MYOCD: variants seen among roughly 807,000 people sequenced by gnomAD.
MYOCD encodes the protein myocardin.
Under a neutral mutation model 96.1 loss-of-function variants are expected in MYOCD, and 32 were observed. That is an observed-to-expected ratio of 0.33 (90% CI 0.25 to 0.45). MYOCD has a LOEUF of 0.45. Ranked by LOEUF, MYOCD falls within the 20% of genes least tolerant of loss-of-function variation. The pLI is 1.00. For synonymous variants in MYOCD, 469 were observed against 469.0 expected (o/e 1.00, Z 0.00); for missense variants, 1,133 against 1,200.6 (o/e 0.94, Z 0.83).
At position 12,763,614 on chromosome 17, in the gene MYOCD, T is replaced by C; in HGVS notation, c.2931T>C (p.Ser977=). The change falls in exon 14 of 14, where the codon TCT becomes TCC. Residue 977 remains serine, a synonymous_variant. Coordinates refer to ENST00000425538, the MANE Select transcript of MYOCD (RefSeq NM_001146312.3). ...ATGTCACTGATCTCAATTTGAATTCTTCCATGGACCTTCACTTGCAGCAGT... is the reference window on the plus strand; with the variant it reads ...ATGTCACTGATCTCAATTTGAATTCCTCCATGGACCTTCACTTGCAGCAGT... ...FLDVTDLNLN[S]SMDLHLQQW 1 of 1,613,434 alleles carries C rather than the reference T, an allele frequency of 6.2e-7. No homozygotes were observed. Among genetic ancestry groups the C allele is most frequent in the Non-Finnish European group, 8.5e-7 (1 of 1,179,628 alleles).
In MYOCD at chr17:12,768,265, T is replaced by C. The variant is rs1567608560; in HGVS notation, c.*4621T>C. On this transcript the variant is annotated 3_prime_UTR_variant, in exon 14 of 14. Coordinates refer to ENST00000425538, the MANE Select transcript of MYOCD (RefSeq NM_001146312.3). The stretch of plus-strand genomic sequence containing the variant: ...GGTTTGATTCTAGAGTCCAGGTTTA[T>C]AGAGAAACCCTGGCTAGATTGAGCC... 1 of 152,114 alleles carries C rather than the reference T, an allele frequency of 6.6e-6. No individual in the cohort carries two copies. The highest frequency in any genetic ancestry group is 2.1e-4 in the South Asian group (1 of 4,816). The allele number at this position is 152,114 out of a possible 1,614,324, so 9.4% of individuals were successfully genotyped here.
chr17:12,667,636 G>A (rs1247102183), intron 1 of MYOCD, among the ~76,000 whole-genome samples: 1 of 152,208 alleles, frequency 6.6e-6, no homozygotes, highest in East Asian at 1.9e-4. Flanking sequence ...TTTAAATGTG[G>A]AGGGTCTGGG....
In MYOCD at chr17:12,736,312, G is replaced by T; in HGVS notation, c.567G>T (p.Ser189=). The change falls in exon 6 of 14, where the codon TCG becomes TCT. Residue 189 remains serine, a synonymous_variant. Coordinates refer to ENST00000425538, the MANE Select transcript of MYOCD (RefSeq NM_001146312.3). ...PPDAKASDTP[S]TGSLGTNQDL... is the part of the protein sequence containing the mutation. Reference sequence around the variant, plus strand: ...ACGCTAAAGCCTCAGATACCCCTTCGACAGGTTCTCTGGGGACAAACCAGG... The same window carrying T: ...ACGCTAAAGCCTCAGATACCCCTTCTACAGGTTCTCTGGGGACAAACCAGG... 6.2e-7 allele frequency: 1 copy of T among 1,613,956 alleles called. No homozygotes were observed. Among genetic ancestry groups the T allele is most frequent in the Non-Finnish European group, 8.5e-7 (1 of 1,179,974 alleles).
chr17:12,717,343 C>T lies in MYOCD; in HGVS notation c.178-3C>T, dbSNP rs2031678245. 1 of 1,613,190 alleles carries T rather than the reference C, an allele frequency of 6.2e-7. No homozygotes were observed. Among genetic ancestry groups the T allele is most frequent in the Non-Finnish European group, 8.5e-7 (1 of 1,179,398 alleles). The stretch of plus-strand genomic sequence containing the variant: ...GGTGATTTCTCTTGTTTGGGTTCTA[C>T]AGGCTAAAAATTCCCTGAAGCGCAA... On this transcript the variant is annotated splice_polypyrimidine_tract_variant and splice_region_variant and intron_variant, in intron 3 of 13. Coordinates refer to ENST00000425538, the MANE Select transcript of MYOCD (RefSeq NM_001146312.3).
chr17:12,761,109 A>G (rs966435731), intron 13 of MYOCD: 5 of 167,940 alleles, frequency 3.0e-5, no homozygotes, highest in Non-Finnish European at 6.5e-5. Flanking sequence ...TCAATTAGCA[A>G]CCTTCCACTG....
At chr17:12,680,054 T>G (rs1910356827) in intron 1 of MYOCD, among the ~76,000 whole-genome samples, 2 of 152,236 alleles carry the variant, frequency 1.3e-5, no homozygotes. Flanking sequence ...TTAAATGCTA[T>G]AATAGAATAG....
intron 1 of MYOCD, among the ~76,000 whole-genome samples, chr17:12,676,257 A>ATG (rs1910041912): frequency 8.7e-6 from 1 of 115,474 alleles, no homozygotes; most frequent in Non-Finnish European, 1.6e-5. Context: ...ACACACACAC[A>ATG]CACACACACA....
intron 1 of MYOCD, among the ~76,000 whole-genome samples, chr17:12,678,850 C>T (rs1910268429): frequency 6.7e-6 from 1 of 149,030 alleles, no homozygotes; most frequent in Admixed American, 6.7e-5. Context: ...CACCTGCCAC[C>T]ACACCTGGCT....
At chr17:12,728,931 C>T (rs2032083938) in intron 5 of MYOCD, among the ~76,000 whole-genome samples, 1 of 152,230 alleles carries the variant, frequency 6.6e-6, no homozygotes, top group Admixed American at 6.5e-5. Context: ...CTATCATTTA[C>T]ATTTATAAAA....
Position 12,767,695 on chromosome 17 carries a change from T to C in MYOCD, c.*4051T>C, listed in dbSNP as rs1422894215. 1.3e-5 allele frequency: 2 copies of C among 152,206 alleles called. No individual in the cohort carries two copies. The highest frequency in any genetic ancestry group is 3.8e-4 in the East Asian group (2 of 5,200). 9.4% of individuals were successfully genotyped at this position (152,206 alleles called of 1,614,324 possible). ...CTAAAAGCTATCTCTCACTTCAAAA[T>C]TCTTGTCTTTTTCTTTGTGGACAAA... On this transcript the variant is annotated 3_prime_UTR_variant, in exon 14 of 14. Coordinates refer to ENST00000425538, the MANE Select transcript of MYOCD (RefSeq NM_001146312.3).
intron 1 of MYOCD, chr17:12,704,856 G>A: frequency 5.4e-6 from 2 of 368,222 alleles, no homozygotes; most frequent in Non-Finnish European, 9.9e-6. Flanking sequence ...TGTAGAGAGA[G>A]AGAGCATGGC....
rs769812473 is a variant in MYOCD, at chr17:12,753,064, C to T, written c.1776C>T (p.Ser592=). The T allele has an allele frequency of 7.4e-6, 12 of 1,614,040 alleles. No individual in the cohort carries two copies. The African/African-American group carries it at 1.5e-4, about 20-fold the overall frequency. ...AAGTACCTGTGAAAAGACAAAGCAG[C>T]AGCTCAGAGTGTCACCCACCGGCTT... ...ASQVPVKRQS[S]SSECHPPACE... Residue 592 remains serine, a synonymous_variant, in exon 10 of 14, where the codon AGC becomes AGT. Transcript: ENST00000425538.
At chr17:12,746,120 A>G (rs2032658483) in intron 9 of MYOCD, 48 bp downstream of exon 9, 3 of 1,596,038 alleles carry the variant, frequency 1.9e-6, no homozygotes, top group Non-Finnish European at 2.6e-6. Flanking sequence ...CAAATACAAC[A>G]GTATGTTGTT....
rs771103686 is a variant in MYOCD at position 12,752,760 on chromosome 17, T to C, written c.1472T>C (p.Val491Ala). The change falls in exon 10 of 14, where the codon GTG (valine) becomes GCG (alanine). Residue 491 changes from valine to alanine, a missense_variant. By Grantham distance (64) the Val-to-Ala change is moderately conservative (BLOSUM62 0). Coordinates refer to ENST00000425538, the MANE Select transcript of MYOCD (RefSeq NM_001146312.3). ...GGCCTGCACCCGTCCCCAGTCCACG[T>C]GTGCACGGAGGAAAGTCTCATGAGC... Reference protein sequence around the residue: ...SFGLHPSPVHVCTEESLMSSL... With the variant: ...SFGLHPSPVHACTEESLMSSL... The C allele has an allele frequency of 4.3e-6, 7 of 1,613,888 alleles. No homozygotes were observed. In the African/African-American group the frequency reaches 6.7e-5, roughly 15 times the overall value.
Position 12,766,687 on chromosome 17 carries a change from C to T in MYOCD, c.*3043C>T, listed in dbSNP as rs753064461. The T allele has an allele frequency of 6.6e-6, 1 of 152,130 alleles. No homozygotes were observed. The highest frequency in any genetic ancestry group is 6.5e-5 in the Admixed American group (1 of 15,272). 9.4% of individuals were successfully genotyped at this position (152,130 alleles called of 1,614,324 possible). A position where few individuals can be genotyped will look rare whatever the true frequency, so the allele number is the denominator to read the frequency against. On this transcript the variant is annotated 3_prime_UTR_variant, in exon 14 of 14. Transcript: ENST00000425538. ...TGACTAAAAGATGTACAGAGACTTA[C>T]GAAGATGGTCACATTCAAGTTCCCT... is the stretch of plus-strand genomic sequence containing the variant.
Position 12,694,966 on chromosome 17 carries a change from A to G in MYOCD, c.56-10162A>G, listed in dbSNP as rs145371978. Among the ~76,000 whole-genome samples, 474 of 151,784 alleles carry G rather than the reference A, an allele frequency of 3.1e-3. 4 individuals are homozygous for G. The highest frequency in any genetic ancestry group is 0.011 in the African/African-American group (438 of 41,412). On this transcript the variant is annotated intron_variant, in intron 1 of 13. Transcript: ENST00000425538. ...CATCATTTGATGGGTATTAAATGGC[A>G]TGTGAATGTATCTTTGATATATTAC...
At chr17:12,707,693 A>T (rs7221863) in intron 2 of MYOCD, among the ~76,000 whole-genome samples, 22,840 of 152,062 alleles carry the variant, frequency 0.15, 1,810 homozygotes, top group Middle Eastern at 0.2. Context: ...CAGCCTGGGC[A>T]ACAGAGCGAG....
intron 1 of MYOCD, among the ~76,000 whole-genome samples, chr17:12,682,556 G>A (rs1029335585): frequency 1.4e-4 from 21 of 152,212 alleles, no homozygotes; most frequent in African/African-American, 5.1e-4. Context: ...ATTATAAACA[G>A]GTACCACTGC....
chr17:12,758,164 C>G lies in MYOCD; in HGVS notation c.2282C>G (p.Ala761Gly). Residue 761 changes from alanine to glycine, a missense_variant, in exon 12 of 14, where the codon GCA (alanine) becomes GGA (glycine). Transcript: ENST00000425538. ...PSPTFSKSSSAISEVTQPPSY... is the reference protein window; with the variant it reads ...PSPTFSKSSSGISEVTQPPSY... ...CCAACTTTTTCTAAGTCAAGTTCAG[C>G]AATTTCAGAGGTAACACAGCCTCCA... 6.2e-7 allele frequency: 1 copy of G among 1,614,150 alleles called. No individual in the cohort carries two copies. The highest frequency in any genetic ancestry group is 8.5e-7 in the Non-Finnish European group (1 of 1,180,020).
Sources: allele counts gnomAD v4.1 joint callset (sites outside exome capture counted in the v4.1 genomes callset), GRCh38; gene constraint gnomAD v4.1.1; transcripts MANE v1.5; gene names NCBI Gene and HGNC (gene_info 2026-07-23, HGNC 2026-07-21).